The following TMEM150C variants were observed in gnomAD, a reference collection of about 807,000 sequenced individuals.
TMEM150C encodes transmembrane protein 150C.
Under a neutral mutation model 29.9 loss-of-function variants are expected in TMEM150C, and 10 were observed. The observed-to-expected ratio is 0.33, with a 90% CI of 0.21 to 0.57. The LOEUF (loss-of-function observed/expected upper bound fraction) is 0.57. Ranked by LOEUF, TMEM150C falls within the 20% of genes least tolerant of loss-of-function variation. TMEM150C has a pLI of 0.88. For synonymous variants in TMEM150C, 101 were observed against 112.5 expected (o/e 0.90, Z 0.64); for missense variants, 251 against 303.6 (o/e 0.83, Z 1.29).
intron 1 of TMEM150C, among the ~76,000 whole-genome samples, chr4:82,559,311 G>A (rs143265294): frequency 4.6e-5 from 7 of 151,972 alleles, no homozygotes; most frequent in Non-Finnish European, 7.4e-5. Context: ...TTGGGAGGCC[G>A]AGGCGGGTGG....
At chr4:82,561,078 G>C (rs1443627908) in intron 1 of TMEM150C, among the ~76,000 whole-genome samples, 1 of 151,370 alleles carries the variant, frequency 6.6e-6, no homozygotes, top group Non-Finnish European at 1.5e-5. Flanking sequence ...AAGTGCTGTG[G>C]GGGTAGGGGT....
chr4:82,536,356 C>CAAA (rs567469021), intron 1 of TMEM150C, among the ~76,000 whole-genome samples: 53 of 80,274 alleles, frequency 6.6e-4, no homozygotes, highest in East Asian at 1.6e-3. Context: ...GACTCCATCT[C>CAAA]AAAAAAAAAA....
Position 82,551,497 on chromosome 4 carries a change from A to C in TMEM150C, c.-11+10409T>G, listed in dbSNP as rs139046344. Among the ~76,000 whole-genome samples the C allele has an allele frequency of 6.2e-4, 94 of 152,352 alleles. 1 individual carries two copies. The highest frequency in any genetic ancestry group is 2.2e-3 in the African/African-American group (91 of 41,586). On this transcript the variant is annotated intron_variant, in intron 1 of 7. Coordinates refer to ENST00000449862, the MANE Select transcript of TMEM150C (RefSeq NM_001080506.3). ...AAGGACATTCCATGAGGTTTGCTAA[A>C]ATAGCAGGGAGAGTCTTCCTCAGGA...
At chr4:82,556,238 A>G (rs888283013) in intron 1 of TMEM150C, among the ~76,000 whole-genome samples, 1 of 152,166 alleles carries the variant, frequency 6.6e-6, no homozygotes, top group Non-Finnish European at 1.5e-5. Flanking sequence ...TTGGCCTCCC[A>G]GAGTGTTGGG....
intron 2 of TMEM150C, among the ~76,000 whole-genome samples, chr4:82,504,216 G>T (rs147282619): frequency 2.6e-5 from 4 of 151,598 alleles, no homozygotes; most frequent in African/African-American, 7.3e-5. Flanking sequence ...CTATTTTTTG[G>T]GGGGGTGGGG....
At chr4:82,507,811 G>A (rs1358973227) in intron 1 of TMEM150C, among the ~76,000 whole-genome samples, 1 of 124,706 alleles carries the variant, frequency 8.0e-6, no homozygotes, top group Non-Finnish European at 1.6e-5. Flanking sequence ...GGGGTGCAGT[G>A]ATTATGGCTC....
intron 1 of TMEM150C, among the ~76,000 whole-genome samples, chr4:82,544,492 TG>T (rs1266600103): frequency 6.6e-6 from 1 of 152,144 alleles, no homozygotes; most frequent in Non-Finnish European, 1.5e-5. Context: ...AAGATCAAAA[TG>T]TATGGCCGAG....
intron 5 of TMEM150C, among the ~76,000 whole-genome samples, chr4:82,498,196 G>T (rs1723618345): frequency 6.6e-6 from 1 of 150,574 alleles, no homozygotes; most frequent in African/African-American, 2.5e-5. Context: ...TGTATTTTTA[G>T]TAGAGACAGG....
chr4:82,504,649 C>T lies in TMEM150C; in HGVS notation c.9G>A (p.Gly3=). Residue 3 remains glycine (G), a synonymous_variant, in exon 2 of 8, where the codon GGG becomes GGA. Coordinates refer to ENST00000449862, the MANE Select transcript of TMEM150C (RefSeq NM_001080506.3). ...GGAACATCCATACGCTGCATTTCTT[C>T]CCATCCATGCCTGTACCACTGAAAT... MD[G]KKCSVWMFLP... The T allele has an allele frequency of 6.2e-7, 1 of 1,613,044 alleles. No homozygotes were observed. Among genetic ancestry groups the T allele is most frequent in the Non-Finnish European group, 8.5e-7 (1 of 1,179,198 alleles).
intron 1 of TMEM150C, among the ~76,000 whole-genome samples, chr4:82,550,290 A>T (rs1560500386): frequency 1.3e-5 from 2 of 152,232 alleles, no homozygotes; most frequent in East Asian, 3.9e-4. Context: ...GCCATGTAAG[A>T]CGTGCCTGCT....
chr4:82,483,577 C>T lies in TMEM150C; in HGVS notation c.*1934G>A, dbSNP rs1434390024. ...TTCCTGTCTCACATGAAACAGCCAT[C>T]TTCCATGCTCTCTCACTCATCTTTG... is the stretch of plus-strand genomic sequence containing the variant. On this transcript the variant is annotated 3_prime_UTR_variant, in exon 8 of 8. Transcript: ENST00000449862. The T allele has an allele frequency of 6.6e-6, 1 of 152,144 alleles. No homozygotes were observed. The highest frequency in any genetic ancestry group is 2.4e-5 in the African/African-American group (1 of 41,430). The allele number at this position is 152,144 out of a possible 1,614,324, so 9.4% of individuals were successfully genotyped here. A position where few individuals can be genotyped will look rare whatever the true frequency, so the allele number is the denominator to read the frequency against.
chr4:82,531,402 G>A (rs1724841184), intron 1 of TMEM150C, among the ~76,000 whole-genome samples: 1 of 152,072 alleles, frequency 6.6e-6, no homozygotes, highest in African/African-American at 2.4e-5. Context: ...TGGGAAGAAA[G>A]GATGGAGCCA....
chr4:82,545,244 A>G lies in TMEM150C; in HGVS notation c.-11+16662T>C, dbSNP rs574531499. The stretch of plus-strand genomic sequence containing the variant: ...CTGGGATGCAAGGCTGGTTCAACAT[A>G]TGCAAATCAGTAAATGTGATTCATA... On this transcript the variant is annotated intron_variant, in intron 1 of 7. Coordinates refer to ENST00000449862, the MANE Select transcript of TMEM150C (RefSeq NM_001080506.3). Among the ~76,000 whole-genome samples, 4 of 152,354 alleles carry G rather than the reference A, an allele frequency of 2.6e-5. No individual in the cohort carries two copies. The South Asian group carries it at 8.3e-4, about 32-fold the overall frequency.
intron 7 of TMEM150C, 25 bp from the exon 8 acceptor site, chr4:82,485,744 T>C: frequency 6.3e-7 from 1 of 1,576,874 alleles, no homozygotes; most frequent in Non-Finnish European, 8.6e-7. Context: ...TCAAGGAAAA[T>C]ACCCTCATCA....
chr4:82,492,811 C>A (rs28615070), intron 6 of TMEM150C, among the ~76,000 whole-genome samples: 29,324 of 74,114 alleles, frequency 0.4, 6,100 homozygotes, highest in African/African-American at 0.66. Flanking sequence ...AAAAAAAAAA[C>A]AACAAAGTCT....
chr4:82,549,674 C>G (rs1015757659), intron 1 of TMEM150C, among the ~76,000 whole-genome samples: 2 of 152,152 alleles, frequency 1.3e-5, no homozygotes, highest in Non-Finnish European at 1.5e-5. Flanking sequence ...AAGGAAATCA[C>G]TTAACAAAGC....
intron 1 of TMEM150C, among the ~76,000 whole-genome samples, chr4:82,555,966 A>G (rs1725723136): frequency 6.6e-6 from 1 of 152,226 alleles, no homozygotes; most frequent in Admixed American, 6.5e-5. Context: ...CGGTATACAC[A>G]TATACACTTA....
chr4:82,551,572 G>GC (rs1725578390), intron 1 of TMEM150C, among the ~76,000 whole-genome samples: 1 of 152,144 alleles, frequency 6.6e-6, no homozygotes, highest in Non-Finnish European at 1.5e-5. Flanking sequence ...GTCAGCCAGG[G>GC]CCTCATCCCA....
chr4:82,538,473 T>C (rs1216132856), intron 1 of TMEM150C, among the ~76,000 whole-genome samples: 1 of 152,206 alleles, frequency 6.6e-6, no homozygotes, highest in Non-Finnish European at 1.5e-5. Context: ...AGATATGTTT[T>C]TGAAGAATTT....
Sources: gnomAD v4.1 joint callset for allele counts (sites outside exome capture counted in the v4.1 genomes callset) on GRCh38, gnomAD v4.1.1 for gene constraint, MANE v1.5 for transcripts, NCBI Gene and HGNC (gene_info 2026-07-23, HGNC 2026-07-21) for gene names.